The following SH3TC2 variants were observed in gnomAD, a reference collection of about 807,000 sequenced individuals.
SH3TC2 encodes the protein SH3 domain and tetratricopeptide repeat-containing protein 2.
A neutral mutation model predicts 124.5 loss-of-function variants in SH3TC2; 87 were observed. That is an observed-to-expected ratio of 0.70 (90% CI 0.59 to 0.84). The LOEUF (loss-of-function observed/expected upper bound fraction) is 0.84, where lower values mean the gene tolerates loss of function less well. SH3TC2 is among the 40% of genes least tolerant of loss of function. The pLI is 0.00. For synonymous variants in SH3TC2, 634 were observed against 628.5 expected (o/e 1.01, Z -0.13); for missense variants, 1,536 against 1,566.4 (o/e 0.98, Z 0.33).
chr5:149,023,045 C>A (rs1754002654), intron 12 of SH3TC2, among the ~76,000 whole-genome samples: 1 of 152,180 alleles, frequency 6.6e-6, no homozygotes, highest in Non-Finnish European at 1.5e-5. Context: ...TGTAATTAAA[C>A]CTCAATAAAA....
Position 149,006,913 on chromosome 5 carries a change from G to A in SH3TC2, c.3643C>T (p.Arg1215Cys), listed in dbSNP as rs267600481. Residue 1215 changes from arginine to cysteine, a missense_variant, in exon 16 of 17, where the codon CGC becomes TGC. This residue lies in a region of SH3TC2 where 426 missense variants were observed against 443.5 expected (regional missense o/e 0.96). Transcript: ENST00000515425. ...EALYYAKVYY[R>C]LGRLTFCQLK... ...TGGCAGAAGGTGAGTCTGCCCAGGC[G>A]ATAATACACCTTGGCATAGTACAGG... 8.7e-6 allele frequency: 14 copies of A among 1,613,902 alleles called. No individual in the cohort carries two copies. The highest frequency in any genetic ancestry group is 4.0e-5 in the African/African-American group (3 of 74,880).
At position 149,063,014 on chromosome 5, in the gene SH3TC2, G is replaced by A; in HGVS notation, c.9C>T (p.Gly3=). 1.2e-6 allele frequency: 2 copies of A among 1,601,138 alleles called. No individual in the cohort carries two copies. Among genetic ancestry groups the A allele is most frequent in the Non-Finnish European group, 1.7e-6 (2 of 1,173,486 alleles). The change falls in exon 1 of 17, where the codon GGC becomes GGT. Residue 3 remains glycine, a synonymous_variant. Coordinates refer to ENST00000515425, the MANE Select transcript of SH3TC2 (RefSeq NM_024577.4). ...TCCGCTCCCTGGGGATGCAGAAGCA[G>A]CCACCCATGTGTGTACCATCCTACC... MG[G]CFCIPRERSL... is the part of the protein sequence containing the mutation.
At chr5:149,010,416 T>C in intron 13 of SH3TC2, 24 bp from the exon 14 acceptor site, 1 of 1,613,244 alleles carries the variant, frequency 6.2e-7, no homozygotes, top group Non-Finnish European at 8.5e-7. Flanking sequence ...AGACAGCTGT[T>C]AAAGGCAGAG....
chr5:149,016,950 A>T (rs1174157437), intron 12 of SH3TC2, among the ~76,000 whole-genome samples: 2 of 151,930 alleles, frequency 1.3e-5, no homozygotes. Context: ...AAAAGAATAA[A>T]AGCCAGGAGC....
intron 12 of SH3TC2, among the ~76,000 whole-genome samples, chr5:149,017,908 T>G (rs1313387035): frequency 6.6e-6 from 1 of 152,242 alleles, no homozygotes; most frequent in Admixed American, 6.5e-5. Flanking sequence ...GTAAATAAAG[T>G]GTTATTGCAA....
In SH3TC2 at chr5:148,991,739, G is replaced by A. The variant is rs369930982; in HGVS notation, c.*12972C>T. On this transcript the variant is annotated 3_prime_UTR_variant, in exon 17 of 17. Coordinates refer to ENST00000515425, the MANE Select transcript of SH3TC2 (RefSeq NM_024577.4). ...TGAGAGGCTCTTGCAAACTGCTTTT[G>A]TAGAAATTATACTCACTGGTGTCCA... 1.3e-5 allele frequency among the ~76,000 whole-genome samples: 2 copies of A among 152,190 alleles called. No homozygotes were observed. Among genetic ancestry groups the A allele is most frequent in the South Asian group, 4.1e-4 (2 of 4,822 alleles).
chr5:149,056,154 G>C (rs972153087), intron 1 of SH3TC2, among the ~76,000 whole-genome samples: 5 of 151,626 alleles, frequency 3.3e-5, no homozygotes, highest in African/African-American at 1.2e-4. Flanking sequence ...GTGAAGGTTT[G>C]GTTCTTAGGT....
intron 2 of SH3TC2, 72 bp downstream of exon 2, chr5:149,052,070 G>C: frequency 9.3e-7 from 1 of 1,074,646 alleles, no homozygotes. Flanking sequence ...GGGCTCTTTA[G>C]ATGGGAAAGA....
At chr5:149,044,492 G>T in intron 4 of SH3TC2, 41 bp downstream of exon 4, 2 of 1,509,734 alleles carry the variant, frequency 1.3e-6, no homozygotes, top group Non-Finnish European at 1.8e-6. Context: ...TGGCTAAATT[G>T]TGGAGGAGGT....
rs955880622 is a variant in SH3TC2 at position 148,995,743 on chromosome 5, G to A, written c.*8968C>T. The stretch of plus-strand genomic sequence containing the variant: ...CTGCCATGCATCAGACACTGGGCTG[G>A]GCTCCAGAAATACAGAGCTGAGTGA... On this transcript the variant is annotated 3_prime_UTR_variant, in exon 17 of 17. Transcript: ENST00000515425. Among the ~76,000 whole-genome samples, 1 of 151,854 alleles carries A rather than the reference G, an allele frequency of 6.6e-6. No homozygotes were observed. Among genetic ancestry groups the A allele is most frequent in the African/African-American group, 2.4e-5 (1 of 41,308 alleles).
At chr5:149,031,459 G>T in intron 9 of SH3TC2, 95 bp downstream of exon 9, 1 of 1,537,826 alleles carries the variant, frequency 6.5e-7, no homozygotes. Context: ...TCATGAATAG[G>T]ATTAGAATTT....
intron 12 of SH3TC2, among the ~76,000 whole-genome samples, chr5:149,014,595 C>A (rs910201717): frequency 6.6e-6 from 1 of 152,232 alleles, no homozygotes; most frequent in Non-Finnish European, 1.5e-5. Context: ...CCCAAGCTTT[C>A]TCTTCCTCCC....
chr5:149,028,808 T>C, intron 9 of SH3TC2, 90 bp from the exon 10 acceptor site: 1 of 1,354,002 alleles, frequency 7.4e-7, no homozygotes, highest in South Asian at 1.2e-5. Context: ...AGTGGCCTCT[T>C]AGGAGCCTTG....
Position 148,982,167 on chromosome 5 carries a change from T to TA in SH3TC2, c.*22543dup, listed in dbSNP as rs1753260682. ...AAACAGGATTCCAGTATTTTTTTTTTATTTCTGTAGTTTAAATTTTAAAAC... is the reference window on the plus strand; with the variant it reads ...AAACAGGATTCCAGTATTTTTTTTTTAATTTCTGTAGTTTAAATTTTAAAAC... On this transcript the variant is annotated 3_prime_UTR_variant, in exon 17 of 17. Coordinates refer to ENST00000515425, the MANE Select transcript of SH3TC2 (RefSeq NM_024577.4). 6.6e-6 allele frequency among the ~76,000 whole-genome samples: 1 copy of TA among 151,926 alleles called. No homozygotes were observed. The highest frequency in any genetic ancestry group is 2.1e-4 in the South Asian group (1 of 4,818).
At position 149,062,966 on chromosome 5, in the gene SH3TC2, C is replaced by A; in HGVS notation, c.52+5G>T. ...CACAGGCCAAGGGCCCCCTGGGAAA[C>A]TCACCTGGGCCCCGGGTCAGACTCC... On this transcript the variant is annotated splice_donor_5th_base_variant and intron_variant, in intron 1 of 16. Coordinates refer to ENST00000515425, the MANE Select transcript of SH3TC2 (RefSeq NM_024577.4). 1 of 1,587,638 alleles carries A rather than the reference C, an allele frequency of 6.3e-7. No homozygotes were observed. Among genetic ancestry groups the A allele is most frequent in the Non-Finnish European group, 8.6e-7 (1 of 1,165,888 alleles).
At position 149,026,852 on chromosome 5, in the gene SH3TC2, A is replaced by C. The variant is rs555661717; in HGVS notation, c.2872+8T>G. On this transcript the variant is annotated splice_region_variant and intron_variant, in intron 11 of 16. Coordinates refer to ENST00000515425, the MANE Select transcript of SH3TC2 (RefSeq NM_024577.4). ...CTATAGCTTCCCAGCAGCATGGGAC[A>C]TACTTACTCTTTAGATGTCGATGCC... 12 of 1,614,218 alleles carry C rather than the reference A, an allele frequency of 7.4e-6. No individual in the cohort carries two copies. In the South Asian group the frequency reaches 9.9e-5, roughly 13 times the overall value.
At chr5:149,031,509 T>C in intron 9 of SH3TC2, 45 bp downstream of exon 9, 1 of 1,613,790 alleles carries the variant, frequency 6.2e-7, no homozygotes, top group Non-Finnish European at 8.5e-7. Flanking sequence ...TATCTTATTC[T>C]TGAGGACCCC....
chr5:149,050,083 G>C (rs1185862015), intron 2 of SH3TC2, among the ~76,000 whole-genome samples: 1 of 152,156 alleles, frequency 6.6e-6, no homozygotes, highest in African/African-American at 2.4e-5. Context: ...CATTTGGTGT[G>C]AATCTCCTTA....
rs1703884333 is a variant in SH3TC2, at chr5:148,996,757, C to G, written c.*7954G>C. Among the ~76,000 whole-genome samples, 5 of 152,262 alleles carry G rather than the reference C, an allele frequency of 3.3e-5. No homozygotes were observed. In the South Asian group the frequency reaches 1.0e-3, roughly 32 times the overall value. On this transcript the variant is annotated 3_prime_UTR_variant, in exon 17 of 17. Coordinates refer to ENST00000515425, the MANE Select transcript of SH3TC2 (RefSeq NM_024577.4). ...GAAAGTTCAATAACCAAAAAAGTCA[C>G]CTTCACACATATTTGGCCCGTGCAA...
Sources: allele counts gnomAD v4.1 joint callset (sites outside exome capture counted in the v4.1 genomes callset), GRCh38; gene constraint gnomAD v4.1.1; regional missense constraint gnomAD v4.1.1; transcripts MANE v1.5; gene names NCBI Gene and HGNC (gene_info 2026-07-23, HGNC 2026-07-21).